The following AFM variants were observed in gnomAD, a reference collection of about 807,000 sequenced individuals.
AFM encodes the protein afamin, also known as alpha-Alb.
A neutral mutation model predicts 68.7 loss-of-function variants in AFM; 82 were observed. The observed-to-expected ratio is 1.19, with a 90% CI of 1.00 to 1.43. The LOEUF is 1.43. AFM is among the 40% of genes most tolerant of loss of function. AFM has a pLI of 0.00. For synonymous variants in AFM, 250 were observed against 234.2 expected (o/e 1.07, Z -0.61); for missense variants, 772 against 701.8 (o/e 1.10, Z -1.13).
rs772155821 is a variant in AFM, at chr4:73,500,194, C to G, written c.1613C>G (p.Ser538Cys). 4 of 1,613,448 alleles carry G rather than the reference C, an allele frequency of 2.5e-6. No homozygotes were observed. The highest frequency in any genetic ancestry group is 2.7e-5 in the African/African-American group (2 of 74,922). The change falls in exon 12 of 15, where the codon TCT (serine) becomes TGT (cysteine). Residue 538 changes from serine to cysteine, a missense_variant. Coordinates refer to ENST00000226355, the MANE Select transcript of AFM (RefSeq NM_001133.2). Reference protein sequence around the residue: ...LFTFHADMCQSQNEELQRKTD... With the variant: ...LFTFHADMCQCQNEELQRKTD... ...ACCTTTCACGCAGACATGTGTCAATCTCAGAATGAGGAGCTTCAGAGGAAG... is the reference window on the plus strand; with the variant it reads ...ACCTTTCACGCAGACATGTGTCAATGTCAGAATGAGGAGCTTCAGAGGAAG...
intron 7 of AFM, 49 bp downstream of exon 7, chr4:73,488,808 C>A: frequency 2.6e-6 from 4 of 1,565,092 alleles, no homozygotes; most frequent in South Asian, 2.5e-5. Context: ...TGGCAATTAT[C>A]ATTTTTTTAT....
At chr4:73,482,276 C>T (rs543092128) in intron 1 of AFM, among the ~76,000 whole-genome samples, 2 of 152,334 alleles carry the variant, frequency 1.3e-5, no homozygotes, top group South Asian at 2.1e-4. Flanking sequence ...AATGCAGAAC[C>T]TAGTTCCTCC....
chr4:73,497,510 G>A (rs1372838775), intron 9 of AFM, 142 bp from the exon 10 acceptor site: 3 of 426,246 alleles, frequency 7.0e-6, no homozygotes, highest in African/African-American at 6.2e-5. Context: ...GCACGTGCTT[G>A]TAAAAAGTGC....
chr4:73,502,886 C>T (rs1188647531), intron 13 of AFM, among the ~76,000 whole-genome samples, 164 bp from the exon 14 acceptor site: 5 of 152,088 alleles, frequency 3.3e-5, no homozygotes, highest in East Asian at 1.9e-4. Context: ...AAGAGCCTTT[C>T]GGTGTCTATT....
chr4:73,500,307 A>C, intron 12 of AFM, 80 bp downstream of exon 12: 1 of 1,235,204 alleles, frequency 8.1e-7, no homozygotes, highest in Non-Finnish European at 1.1e-6. Flanking sequence ...TATCTAGTGG[A>C]TATGTCTTTT....
At chr4:73,498,627 T>C (rs1269991321) in intron 10 of AFM, among the ~76,000 whole-genome samples, 2 of 152,194 alleles carry the variant, frequency 1.3e-5, no homozygotes, top group East Asian at 3.8e-4. Context: ...TAAATCAAAA[T>C]AAAACACAGT....
At chr4:73,486,837 T>A in intron 4 of AFM, 130 bp from the exon 5 acceptor site, 1 of 926,102 alleles carries the variant, frequency 1.1e-6, no homozygotes, top group Non-Finnish European at 1.6e-6. Context: ...GCTCTTCTTG[T>A]CTCTTTCTAT....
In AFM at chr4:73,499,229, G is replaced by C; in HGVS notation, c.1405G>C (p.Ala469Pro). Residue 469 changes from alanine to proline, a missense_variant, in exon 11 of 15, where the codon GCC becomes CCC. Transcript: ENST00000226355. ...TTGCTGTACGCTAAGTGAAGAGTTT[G>C]CCTGTGTTGATAATTTGGTGAGCAT... ...TTCCTLSEEFACVDNLADLVF... is the reference protein window; with the variant it reads ...TTCCTLSEEFPCVDNLADLVF... 1 of 1,608,266 alleles carries C rather than the reference G, an allele frequency of 6.2e-7. No homozygotes were observed. Among genetic ancestry groups the C allele is most frequent in the Non-Finnish European group, 8.5e-7 (1 of 1,177,012 alleles).
intron 3 of AFM, 130 bp from the exon 4 acceptor site, chr4:73,485,732 A>G: frequency 1.5e-6 from 1 of 658,104 alleles, no homozygotes; most frequent in Non-Finnish European, 2.6e-6. Flanking sequence ...AAGGGGAAGG[A>G]GAGGAGTAGG....
rs1560408997 is a variant in AFM at position 73,486,055 on chromosome 4, G to A, written c.464G>A (p.Arg155Lys). 1 of 1,613,774 alleles carries A rather than the reference G, an allele frequency of 6.2e-7. No individual in the cohort carries two copies. The highest frequency in any genetic ancestry group is 8.5e-7 in the Non-Finnish European group (1 of 1,179,748). Residue 155 changes from arginine (R) to lysine (K), a missense_variant, in exon 4 of 15, where the codon AGA (arginine) becomes AAA (lysine). Transcript: ENST00000226355. Reference protein sequence around the residue: ...EEKCQAYESNRESLLNHFLYE... With the variant: ...EEKCQAYESNKESLLNHFLYE... ...AAATGCCAGGCTTATGAAAGTAACA[G>A]AGAATCCCTTTTAAATCAGTAAGTT...
intron 10 of AFM, 108 bp downstream of exon 10, chr4:73,497,857 TAA>T: frequency 1.7e-6 from 1 of 589,312 alleles, no homozygotes; most frequent in Non-Finnish European, 2.8e-6. Flanking sequence ...GGCCGATTCA[TAA>T]ACTCTTGGAA....
intron 6 of AFM, among the ~76,000 whole-genome samples, chr4:73,488,072 C>T (rs1385261474): frequency 1.3e-5 from 2 of 152,034 alleles, no homozygotes; most frequent in Non-Finnish European, 2.9e-5. Flanking sequence ...AGAATCTGAA[C>T]TGCTCTGGAT....
intron 1 of AFM, 86 bp downstream of exon 1, chr4:73,481,949 T>A: frequency 1.0e-6 from 1 of 958,378 alleles, no homozygotes; most frequent in Non-Finnish European, 1.6e-6. Flanking sequence ...TCAAGTTAAT[T>A]CTTTACTTGC....
At position 73,488,673 on chromosome 4, in the gene AFM, A is replaced by G; in HGVS notation, c.757A>G (p.Lys253Glu). ...TCAAAAATTCCCCAAGATTGAATTT[A>G]AGGAGCTTATTTCTCTTGTAGAAGA... is the stretch of plus-strand genomic sequence containing the variant. ...LSQKFPKIEFKELISLVEDVS... is the reference protein window; with the variant it reads ...LSQKFPKIEFEELISLVEDVS... Residue 253 changes from lysine (K) to glutamate (E), a missense_variant, in exon 7 of 15, where the codon AAG becomes GAG. Lys to Glu is a moderately conservative substitution (Grantham distance 56, BLOSUM62 1). Transcript: ENST00000226355. 6.2e-7 allele frequency: 1 copy of G among 1,612,774 alleles called. No homozygotes were observed. The highest frequency in any genetic ancestry group is 1.3e-5 in the African/African-American group (1 of 75,030).
rs368650090 is a variant in AFM at position 73,491,897 on chromosome 4, C to T, written c.869C>T (p.Ser290Leu). The change falls in exon 8 of 15, where the codon TCA (serine) becomes TTA (leucine). Residue 290 changes from serine (S) to leucine (L), a missense_variant. Coordinates refer to ENST00000226355, the MANE Select transcript of AFM (RefSeq NM_001133.2). ...DTSKVMNHIC[S>L]KQDSISSKIK... ...AGCAAGGTTATGAACCATATTTGTT[C>T]AAAACAAGATTCTATCTCCAGCAAA... The T allele has an allele frequency of 6.2e-7, 1 of 1,613,532 alleles. No individual in the cohort carries two copies.
rs752096987 is a variant in AFM, at chr4:73,484,352, A to G, written c.232A>G (p.Met78Val). ...CATGGTAGAATACAAAGACAGATGT[A>G]TGGCTGACAAGACGCTCCCAGAGTG... The part of the protein sequence containing the change: ...KDMVEYKDRC[M>V]ADKTLPECSK... Residue 78 changes from methionine to valine, a missense_variant, in exon 3 of 15, where the codon ATG becomes GTG. By Grantham distance (21) the Met-to-Val change is conservative. Transcript: ENST00000226355. 14 of 1,612,204 alleles carry G rather than the reference A, an allele frequency of 8.7e-6. No individual in the cohort carries two copies. The highest frequency in any genetic ancestry group is 1.6e-4 in the Middle Eastern group (1 of 6,076).
chr4:73,486,661 G>A (rs1462264697), intron 4 of AFM, among the ~76,000 whole-genome samples: 1 of 152,194 alleles, frequency 6.6e-6, no homozygotes, highest in African/African-American at 2.4e-5. Context: ...AATAGCCACA[G>A]TTCAGTGTTT....
intron 2 of AFM, 94 bp from the exon 3 acceptor site, chr4:73,484,164 C>T (rs1720789656): frequency 2.7e-6 from 4 of 1,479,604 alleles, no homozygotes; most frequent in South Asian, 3.0e-5. Flanking sequence ...TAGATAATTT[C>T]CTGAGGCTAG....
At chr4:73,494,119 G>T (rs972042592) in intron 8 of AFM, among the ~76,000 whole-genome samples, 1 of 151,560 alleles carries the variant, frequency 6.6e-6, no homozygotes, top group Non-Finnish European at 1.5e-5. Flanking sequence ...AGAAGTCCAT[G>T]GCTTACATCA....
Sources: allele counts gnomAD v4.1 joint callset (sites outside exome capture counted in the v4.1 genomes callset), GRCh38; gene constraint gnomAD v4.1.1; transcripts MANE v1.5; gene names NCBI Gene and HGNC (gene_info 2026-07-23, HGNC 2026-07-21).